CACNB4: variants seen among roughly 807,000 people sequenced by gnomAD.
The protein encoded by CACNB4 is calcium voltage-gated channel auxiliary subunit beta 4, also known as voltage-dependent L-type calcium channel subunit beta-4.
In CACNB4, 32 loss-of-function variants were observed where a neutral mutation model predicts 71.2. That is an observed-to-expected ratio of 0.45 (90% CI 0.34 to 0.60). CACNB4 has a LOEUF of 0.60. Among genes scored for constraint, CACNB4 ranks in the 20% least tolerant of loss-of-function variants. The pLI, the probability that CACNB4 is intolerant of heterozygous loss-of-function variation, is 0.01. For missense variants in CACNB4, 464 were observed against 647.9 expected, an observed-to-expected ratio of 0.72 and a Z score of 3.08; for synonymous variants, 231 against 236.9, an observed-to-expected ratio of 0.97 and a Z score of 0.23.
At chr2:152,011,010 A>G (rs868283424) in intron 2 of CACNB4, among the ~76,000 whole-genome samples, 13 of 152,338 alleles carry the variant, frequency 8.5e-5, no homozygotes, top group Middle Eastern at 6.8e-3. Flanking sequence ...AAAGGAACAG[A>G]CACCCTTGGG....
At chr2:151,852,252 T>C (rs1341976294) in intron 12 of CACNB4, 1 of 152,236 alleles carries the variant, frequency 6.6e-6, no homozygotes. Flanking sequence ...AGAGATAATC[T>C]ATGTAAAGCA....
At chr2:152,071,312 G>T (rs985987079) in intron 2 of CACNB4, among the ~76,000 whole-genome samples, 1 of 152,208 alleles carries the variant, frequency 6.6e-6, no homozygotes, top group Non-Finnish European at 1.5e-5. Flanking sequence ...ATATAATTTT[G>T]TAAGTAGAAT....
chr2:151,963,027 C>T (rs775983955), intron 2 of CACNB4: 8 of 152,002 alleles, frequency 5.3e-5, no homozygotes, highest in Admixed American at 4.6e-4. Context: ...TAGAAAGAAA[C>T]GTGGGCTGGG....
At chr2:151,888,679 T>C (rs922570952) in intron 2 of CACNB4, among the ~76,000 whole-genome samples, 1 of 152,256 alleles carries the variant, frequency 6.6e-6, no homozygotes, top group Non-Finnish European at 1.5e-5. Flanking sequence ...CTAGCTTAGC[T>C]GTCCATTCAC....
At chr2:151,972,972 A>G (rs1229075616) in intron 2 of CACNB4, 2 of 152,208 alleles carry the variant, frequency 1.3e-5, no homozygotes, top group African/African-American at 4.8e-5. Flanking sequence ...CTAGCACTCT[A>G]TGGTATGATT....
At position 151,839,267 on chromosome 2, in the gene CACNB4, T is replaced by A; in HGVS notation, c.1415A>T (p.Asn472Ile). ...ATGCTGAGAACTGGAAGACAAGCGG[T>A]TCCTACTCTTCCGAGCCCTTTCATT... ...YHNERARKSR[N>I]RLSSSSQHSR... Residue 472 changes from asparagine (N) to isoleucine (I), a missense_variant, in exon 14 of 14, where the codon AAC becomes ATC. Physicochemically the swap from Asn to Ile is moderately radical, Grantham distance 149. Around this residue, in one of 3 missense-constraint regions of CACNB4, gnomAD observed 115 missense variants for 128.8 expected, o/e 0.89. Coordinates refer to ENST00000539935, the MANE Select transcript of CACNB4 (RefSeq NM_000726.5). The A allele has an allele frequency of 6.2e-7, 1 of 1,613,678 alleles. No individual in the cohort carries two copies. The highest frequency in any genetic ancestry group is 1.1e-5 in the South Asian group (1 of 91,054).
intron 2 of CACNB4, among the ~76,000 whole-genome samples, chr2:152,001,422 C>A (rs12611723): frequency 6.9e-6 from 1 of 145,362 alleles, no homozygotes; most frequent in Non-Finnish European, 1.5e-5. Context: ...GGCACGGTGG[C>A]GCATGCCTGT....
chr2:151,915,890 T>C (rs978224605), intron 2 of CACNB4, among the ~76,000 whole-genome samples: 27 of 149,488 alleles, frequency 1.8e-4, no homozygotes, highest in African/African-American at 6.4e-4. Context: ...ATTCTGGGGT[T>C]GGGACGCTAG....
intron 12 of CACNB4, among the ~76,000 whole-genome samples, chr2:151,845,573 A>C (rs2099837343): frequency 6.6e-6 from 1 of 152,256 alleles, no homozygotes; most frequent in Non-Finnish European, 1.5e-5. Context: ...ATAAATTTAA[A>C]GGTTCAAGTG....
At chr2:151,872,276 AT>A in intron 6 of CACNB4, 140 bp downstream of exon 6, 1 of 617,170 alleles carries the variant, frequency 1.6e-6, no homozygotes, top group Non-Finnish European at 2.9e-6. Context: ...TAGAAAACAA[AT>A]GAGAAATGAA....
At chr2:152,078,853 A>G (rs1687183326) in intron 2 of CACNB4, among the ~76,000 whole-genome samples, 1 of 152,174 alleles carries the variant, frequency 6.6e-6, no homozygotes, top group Non-Finnish European at 1.5e-5. Flanking sequence ...TAAGTGACAA[A>G]GAAATATATA....
At chr2:152,013,188 C>T (rs2105076531) in intron 2 of CACNB4, among the ~76,000 whole-genome samples, 1 of 152,268 alleles carries the variant, frequency 6.6e-6, no homozygotes, top group Non-Finnish European at 1.5e-5. Context: ...GTGATGTTCA[C>T]ACAATGACCA....
intron 3 of CACNB4, chr2:151,882,991 G>A (rs890349780): frequency 8.9e-6 from 4 of 450,116 alleles, no homozygotes; most frequent in Non-Finnish European, 1.6e-5. Context: ...GGCATGGGAG[G>A]TTTGATATTG....
At chr2:151,864,943 G>A (rs1221994731) in intron 9 of CACNB4, among the ~76,000 whole-genome samples, 3 of 152,140 alleles carry the variant, frequency 2.0e-5, no homozygotes, top group Non-Finnish European at 4.4e-5. Flanking sequence ...CTCATTCCCA[G>A]AGTCCGTGAA....
chr2:151,843,249 A>C (rs2151323146), intron 12 of CACNB4, among the ~76,000 whole-genome samples: 1 of 152,350 alleles, frequency 6.6e-6, no homozygotes, highest in South Asian at 2.1e-4. Context: ...GGAAACCAGA[A>C]AACTTTGGCA....
At chr2:151,915,865 A>G (rs2099857361) in intron 2 of CACNB4, among the ~76,000 whole-genome samples, 1 of 151,782 alleles carries the variant, frequency 6.6e-6, no homozygotes, top group Admixed American at 6.6e-5. Flanking sequence ...AAAAAAAAAA[A>G]AAAAGAATGT....
chr2:152,000,763 A>C (rs1682346685), intron 2 of CACNB4, among the ~76,000 whole-genome samples: 1 of 151,842 alleles, frequency 6.6e-6, no homozygotes, highest in African/African-American at 2.4e-5. Flanking sequence ...CTCTGTACCT[A>C]CTCTCCCCTC....
chr2:151,980,671 G>C (rs1312508310), intron 2 of CACNB4, among the ~76,000 whole-genome samples: 2 of 152,174 alleles, frequency 1.3e-5, no homozygotes, highest in Admixed American at 1.3e-4. Flanking sequence ...TGGCAAAAGA[G>C]CTCACAAAGT....
intron 2 of CACNB4, among the ~76,000 whole-genome samples, chr2:152,025,148 T>C (rs2105149336): frequency 6.6e-6 from 1 of 152,348 alleles, no homozygotes; most frequent in African/African-American, 2.4e-5. Context: ...GCTAAATTAT[T>C]TGCAAATACT....
Sources: allele counts gnomAD v4.1 joint callset (sites outside exome capture counted in the v4.1 genomes callset), GRCh38; gene constraint gnomAD v4.1.1; regional missense constraint gnomAD v4.1.1; transcripts MANE v1.5; gene names NCBI Gene and HGNC (gene_info 2026-07-23, HGNC 2026-07-21).